Variants in GPAM observed in about 807,000 individuals in gnomAD.
GPAM encodes glycerol-3-phosphate acyltransferase 1, mitochondrial.
Under a neutral mutation model 105.0 loss-of-function variants are expected in GPAM, and 56 were observed. That is an observed-to-expected ratio of 0.53 (90% CI 0.43 to 0.67). GPAM has a LOEUF of 0.67. Ranked by LOEUF, GPAM falls within the 30% of genes least tolerant of loss-of-function variation. The pLI, the probability that GPAM is intolerant of heterozygous loss-of-function variation, is 0.00. For missense variants in GPAM, 855 were observed against 989.8 expected (o/e 0.86, Z 1.83); for synonymous variants, 368 against 354.4 (o/e 1.04, Z -0.43).
upstream of GPAM, among the ~76,000 whole-genome samples, chr10:112,187,394 CA>C (rs1167948949): frequency 6.6e-6 from 1 of 151,766 alleles, no homozygotes; most frequent in East Asian, 1.9e-4. Flanking sequence ...TAATGCTAAT[CA>C]AAAGAAATAT....
intron 11 of GPAM, among the ~76,000 whole-genome samples, 156 bp from the exon 12 acceptor site, chr10:112,166,671 G>A (rs1001496443): frequency 7.2e-5 from 11 of 152,180 alleles, no homozygotes; most frequent in Admixed American, 3.3e-4. Flanking sequence ...CATTAACTGC[G>A]GCCTGTCAGA....
intron 4 of GPAM, among the ~76,000 whole-genome samples, chr10:112,180,103 T>C (rs1291352116): frequency 1.3e-5 from 2 of 152,222 alleles, no homozygotes; most frequent in African/African-American, 4.8e-5. Flanking sequence ...TCTTATTCTG[T>C]CCCATTATCT....
intron 6 of GPAM, among the ~76,000 whole-genome samples, chr10:112,174,930 C>G (rs886517025): frequency 3.3e-5 from 5 of 152,100 alleles, no homozygotes; most frequent in South Asian, 2.1e-4. Context: ...TTTAAAGCAG[C>G]CTTTTAATTC....
chr10:112,177,698 T>C (rs192437968), intron 5 of GPAM, among the ~76,000 whole-genome samples: 1 of 152,332 alleles, frequency 6.6e-6, no homozygotes, highest in African/African-American at 2.4e-5. Context: ...CAGACAAATA[T>C]TTCCCACATT....
At chr10:112,221,432 T>G in the GPAM span, among the ~76,000 whole-genome samples, 16 of 152,262 alleles carry the variant, frequency 1.1e-4, no homozygotes, top group Non-Finnish European at 1.5e-4. Flanking sequence ...TTCAGGAACT[T>G]AATAAGCATA....
rs1846902264 is a variant in GPAM, at chr10:112,150,790, T to G, written c.*2760A>C. On this transcript the variant is annotated 3_prime_UTR_variant, in exon 22 of 22. Transcript: ENST00000348367. ...CATTTCTATAAAACACTGATGAACA[T>G]CTCACAGAGCACTCATATTACATGG... is the stretch of plus-strand genomic sequence containing the variant. 1 of 985,206 alleles carries G rather than the reference T, an allele frequency of 1.0e-6. No individual in the cohort carries two copies. Among genetic ancestry groups the G allele is most frequent in the Admixed American group, 6.2e-5 (1 of 16,260 alleles). 61.0% of individuals were successfully genotyped at this position (985,206 alleles called of 1,614,324 possible).
intron 18 of GPAM, 83 bp from the exon 19 acceptor site, chr10:112,157,472 C>T (rs1004452969): frequency 1.6e-6 from 2 of 1,258,332 alleles, no homozygotes; most frequent in East Asian, 2.4e-5. Flanking sequence ...CAAGGCAGTC[C>T]TCTTCTCTGA....
At chr10:112,174,437 T>C (rs1430047500) in intron 6 of GPAM, among the ~76,000 whole-genome samples, 1 of 152,170 alleles carries the variant, frequency 6.6e-6, no homozygotes, top group Non-Finnish European at 1.5e-5. Context: ...AAAGGAAACA[T>C]TTAATCCAGT....
At chr10:112,196,983 C>A (rs1351285018) in intron 1 of GPAM, among the ~76,000 whole-genome samples, 1 of 152,198 alleles carries the variant, frequency 6.6e-6, no homozygotes, top group Non-Finnish European at 1.5e-5. Context: ...AAATTAAGCA[C>A]ACATACATAA....
rs146763509 is a variant in GPAM at position 112,192,027 on chromosome 10, A to G, written n.211-9136T>C. The stretch of plus-strand genomic sequence containing the variant: ...CCACGCAGAGCCCAGGCAAGGTGCA[A>G]TGAGGAAGGGGACCAGCCTGAGCCG... On this transcript the variant is annotated intron_variant and non_coding_transcript_variant, in intron 1 of 3. Transcript: ENST00000480130. 7.6e-3 allele frequency among the ~76,000 whole-genome samples: 1,163 copies of G among 152,282 alleles called. 15 individuals are homozygous for G. Among genetic ancestry groups the G allele is most frequent in the African/African-American group, 0.026 (1,087 of 41,558 alleles).
At chr10:112,221,861 G>A in the GPAM span, among the ~76,000 whole-genome samples, 6 of 152,162 alleles carry the variant, frequency 3.9e-5, no homozygotes, top group African/African-American at 1.4e-4. Context: ...ATAAAATGCA[G>A]ATAATAACGC....
intron 4 of GPAM, 140 bp downstream of exon 4, chr10:112,180,333 C>T: frequency 2.6e-6 from 2 of 772,448 alleles, no homozygotes; most frequent in South Asian, 1.5e-5. Flanking sequence ...AGTGTGTCAA[C>T]ATCTTTACTT....
intron 17 of GPAM, among the ~76,000 whole-genome samples, chr10:112,159,013 C>T (rs1284558781): frequency 1.3e-5 from 2 of 152,074 alleles, no homozygotes. Flanking sequence ...AAGACACATT[C>T]ATACAAAAGA....
Position 112,153,262 on chromosome 10 carries a change from T to C in GPAM, c.*288A>G. The C allele has an allele frequency of 8.1e-7, 1 of 1,230,648 alleles. No homozygotes were observed. Among genetic ancestry groups the C allele is most frequent in the East Asian group, 4.4e-5 (1 of 22,964 alleles). 76.2% of individuals were successfully genotyped at this position (1,230,648 alleles called of 1,614,324 possible). ...AAAGTTGTACTTAAAATGTCAATCT[T>C]TAATAAACTCAAAAATAATTTATTG... On this transcript the variant is annotated 3_prime_UTR_variant, in exon 22 of 22. Coordinates refer to ENST00000348367, the MANE Select transcript of GPAM (RefSeq NM_001244949.2).
At chr10:112,211,016 G>A (rs1305179702) in intron 1 of GPAM, among the ~76,000 whole-genome samples, 1 of 152,240 alleles carries the variant, frequency 6.6e-6, no homozygotes, top group Admixed American at 6.5e-5. Context: ...TGCCCAGGCA[G>A]GACGTGCAGG....
chr10:112,213,548 T>C (rs964637659), intron 1 of GPAM, among the ~76,000 whole-genome samples: 1 of 152,148 alleles, frequency 6.6e-6, no homozygotes, highest in Non-Finnish European at 1.5e-5. Context: ...GCTGTCAGTC[T>C]GGTGGGGGCA....
Position 112,172,167 on chromosome 10 carries a change from A to C in GPAM, c.794+15T>G. The C allele has an allele frequency of 6.3e-7, 1 of 1,585,732 alleles. No individual in the cohort carries two copies. Among genetic ancestry groups the C allele is most frequent in the Non-Finnish European group, 8.7e-7 (1 of 1,154,362 alleles). Reference sequence around the variant, plus strand: ...TCTTTTTAATTCCTTAAATTCCAAAATAAGCTCATCTTACCTGAAGATTGG... The same window carrying C: ...TCTTTTTAATTCCTTAAATTCCAAACTAAGCTCATCTTACCTGAAGATTGG... On this transcript the variant is annotated intron_variant, in intron 9 of 21. Coordinates refer to ENST00000348367, the MANE Select transcript of GPAM (RefSeq NM_001244949.2).
At chr10:112,216,262 T>G (rs1454808444), upstream of GPAM, among the ~76,000 whole-genome samples, 1 of 152,194 alleles carries the variant, frequency 6.6e-6, no homozygotes, top group Non-Finnish European at 1.5e-5. Context: ...CAACAGTTAT[T>G]TATTTTGCAT....
In GPAM at chr10:112,182,266, ATGTT is replaced by A. The variant is rs1349612676; in HGVS notation, c.-29-457_-29-454del. Among the ~76,000 whole-genome samples, 3 of 152,324 alleles carry A rather than the reference ATGTT, an allele frequency of 2.0e-5. No individual in the cohort carries two copies. In the East Asian group the frequency reaches 5.8e-4, roughly 29 times the overall value. ...GAATAGTTCCTGGCAGAAGGAAGGC[ATGTT>A]TATTTAATTAAGGCAATTAGGGCAC... On this transcript the variant is annotated intron_variant, in intron 2 of 21. Transcript: ENST00000348367.
Sources: allele counts gnomAD v4.1 joint callset (sites outside exome capture counted in the v4.1 genomes callset), GRCh38; gene constraint gnomAD v4.1.1; transcripts MANE v1.5; gene names NCBI Gene and HGNC (gene_info 2026-07-23, HGNC 2026-07-21).